Variants in MYT1L observed in about 807,000 individuals in gnomAD.
The protein encoded by MYT1L is myelin transcription factor 1-like protein.
A neutral mutation model predicts 126.7 loss-of-function variants in MYT1L; 12 were observed. That is an observed-to-expected ratio of 0.09 (90% CI 0.06 to 0.15). The LOEUF (loss-of-function observed/expected upper bound fraction) is 0.15. MYT1L is among the 10% of genes least tolerant of loss of function. The probability of loss-of-function intolerance (pLI) is 1.00; values close to 1 mark genes in which losing one functional copy is unlikely to be tolerated. For synonymous variants in MYT1L, 541 were observed against 604.2 expected, an observed-to-expected ratio of 0.90 and a Z score of 1.53; for missense variants, 979 against 1,585.2, an observed-to-expected ratio of 0.62 and a Z score of 6.49.
At chr2:1,824,016 G>A (rs556093979) in intron 21 of MYT1L, among the ~76,000 whole-genome samples, 9 of 152,266 alleles carry the variant, frequency 5.9e-5, no homozygotes, top group African/African-American at 9.6e-5. Flanking sequence ...CAGCGGGGCC[G>A]CCGGGCAGAG....
intron 18 of MYT1L, among the ~76,000 whole-genome samples, chr2:1,876,315 G>A (rs923876844): frequency 6.6e-6 from 1 of 152,134 alleles, no homozygotes; most frequent in Non-Finnish European, 1.5e-5. Context: ...GTGGGTCTTG[G>A]CATCCTCGTC....
At chr2:2,027,202 T>G (rs2065731655) in intron 4 of MYT1L, among the ~76,000 whole-genome samples, 1 of 152,078 alleles carries the variant, frequency 6.6e-6, no homozygotes, top group South Asian at 2.1e-4. Flanking sequence ...CGGATCCGGA[T>G]CTGGAGCTGG....
chr2:2,069,917 T>C (rs1475461680), intron 3 of MYT1L, among the ~76,000 whole-genome samples: 2 of 149,778 alleles, frequency 1.3e-5, no homozygotes, highest in African/African-American at 4.9e-5. Flanking sequence ...TTTGATGGGG[T>C]TGTTTTTTCT....
chr2:2,267,762 G>C (rs982332904), intron 2 of MYT1L, among the ~76,000 whole-genome samples: 1 of 152,136 alleles, frequency 6.6e-6, no homozygotes, highest in Admixed American at 6.5e-5. Context: ...CTGCAAGGAG[G>C]TGCCTGGATC....
intron 3 of MYT1L, among the ~76,000 whole-genome samples, chr2:2,121,938 G>A (rs951890803): frequency 2.0e-5 from 3 of 152,186 alleles, no homozygotes; most frequent in South Asian, 2.1e-4. Context: ...GAAGGAAAGG[G>A]TTGCTTGGCT....
chr2:2,029,942 T>C (rs536047424), intron 4 of MYT1L, among the ~76,000 whole-genome samples: 1 of 152,350 alleles, frequency 6.6e-6, no homozygotes, highest in South Asian at 2.1e-4. Flanking sequence ...TAAGGGCTCC[T>C]GAGAATAATT....
intron 3 of MYT1L, among the ~76,000 whole-genome samples, chr2:2,094,157 T>C (rs1393607679): frequency 6.6e-6 from 1 of 152,214 alleles, no homozygotes; most frequent in Non-Finnish European, 1.5e-5. Flanking sequence ...TGGCTTAGGA[T>C]TGACTTGGCA....
At chr2:2,223,918 G>T (rs1003177958) in intron 2 of MYT1L, among the ~76,000 whole-genome samples, 4 of 152,220 alleles carry the variant, frequency 2.6e-5, no homozygotes, top group African/African-American at 9.6e-5. Context: ...TCCTCCAGGT[G>T]GGTCAGCGAA....
intron 4 of MYT1L, among the ~76,000 whole-genome samples, chr2:2,042,762 C>G (rs1017176118): frequency 6.6e-6 from 1 of 152,200 alleles, no homozygotes; most frequent in African/African-American, 2.4e-5. Context: ...AGCAAGGCAT[C>G]TGCCCTTCGT....
chr2:2,210,876 AT>A (rs1209254750), intron 2 of MYT1L, among the ~76,000 whole-genome samples: 2 of 151,920 alleles, frequency 1.3e-5, no homozygotes, highest in Middle Eastern at 3.2e-3. Context: ...ATACCTTTCC[AT>A]TTTTTTGTTT....
intron 3 of MYT1L, among the ~76,000 whole-genome samples, chr2:2,062,603 G>A (rs1022838519): frequency 6.6e-5 from 10 of 152,104 alleles, no homozygotes; most frequent in East Asian, 1.9e-4. Context: ...ATAATCCCAC[G>A]CTTCCTATGG....
intron 4 of MYT1L, among the ~76,000 whole-genome samples, chr2:2,029,665 A>G (rs1463888356): frequency 1.3e-5 from 2 of 152,240 alleles, no homozygotes; most frequent in Non-Finnish European, 2.9e-5. Flanking sequence ...AGCTTTCCAC[A>G]CATGAAATGA....
intron 22 of MYT1L, among the ~76,000 whole-genome samples, chr2:1,802,802 G>A (rs2035079481): frequency 6.6e-6 from 1 of 152,242 alleles, no homozygotes; most frequent in Non-Finnish European, 1.5e-5. Flanking sequence ...TACACAGAAG[G>A]AGAGCAGGAG....
intron 3 of MYT1L, among the ~76,000 whole-genome samples, chr2:2,092,361 C>T (rs574131480): frequency 1.3e-5 from 2 of 152,264 alleles, no homozygotes; most frequent in South Asian, 4.1e-4. Context: ...ATTTATCAAT[C>T]AAGTTTGCCA....
chr2:2,228,886 TA>T lies in MYT1L; in HGVS notation c.-421+55517del, dbSNP rs1217330755. 2.6e-5 allele frequency among the ~76,000 whole-genome samples: 4 copies of T among 152,118 alleles called. No individual in the cohort carries two copies. The highest frequency in any genetic ancestry group is 9.7e-5 in the African/African-American group (4 of 41,410). ...TATTAGCACATATTAACAATCTTTTTAAAAAATACAGGACAAGGGCAAGTTA... is the reference window on the plus strand; with the variant it reads ...TATTAGCACATATTAACAATCTTTTTAAAAATACAGGACAAGGGCAAGTTA... On this transcript the variant is annotated intron_variant, in intron 2 of 24. Coordinates refer to ENST00000647738, the MANE Select transcript of MYT1L (RefSeq NM_001303052.2). This position sits in a 1 kb window ranked among gnomAD's most constrained non-coding sequence, Gnocchi z 5.9.
chr2:2,318,986 T>C (rs1559661842), intron 1 of MYT1L, among the ~76,000 whole-genome samples: 1 of 152,216 alleles, frequency 6.6e-6, no homozygotes, highest in Non-Finnish European at 1.5e-5. Flanking sequence ...CAATCAGGTC[T>C]GACTCAAGGG....
chr2:2,104,613 T>C (rs1203195267), intron 3 of MYT1L, among the ~76,000 whole-genome samples: 5 of 152,260 alleles, frequency 3.3e-5, no homozygotes, highest in Admixed American at 1.3e-4. Flanking sequence ...TTATGGTCTC[T>C]GCGTCCAGTT....
intron 4 of MYT1L, among the ~76,000 whole-genome samples, chr2:2,032,766 G>C (rs2066490355): frequency 2.8e-5 from 3 of 108,612 alleles, no homozygotes; most frequent in East Asian, 3.0e-4. Context: ...CTCATCCTGT[G>C]GCCCAGAGCA....
chr2:1,920,583 C>G (rs1340537535), intron 10 of MYT1L, among the ~76,000 whole-genome samples: 2 of 152,212 alleles, frequency 1.3e-5, no homozygotes, highest in Non-Finnish European at 2.9e-5. Flanking sequence ...GATCTAGGAT[C>G]TGGGAGTCTA....
Sources: allele counts gnomAD v4.1 joint callset (sites outside exome capture counted in the v4.1 genomes callset), GRCh38; gene constraint gnomAD v4.1.1; non-coding constraint Gnocchi (gnomAD v3.1); transcripts MANE v1.5; gene names NCBI Gene and HGNC (gene_info 2026-07-23, HGNC 2026-07-21).